ZGPAT: variants seen among roughly 807,000 people sequenced by gnomAD.
The protein encoded by ZGPAT is zinc finger CCCH-type with G patch domain-containing protein.
Under a neutral mutation model 47.9 loss-of-function variants are expected in ZGPAT, and 39 were observed. The observed-to-expected ratio is 0.81, with a 90% CI of 0.63 to 1.06. The LOEUF (loss-of-function observed/expected upper bound fraction) is 1.06. Among genes scored for constraint, ZGPAT ranks in the 50% least tolerant of loss-of-function variants. The pLI is 0.00. For synonymous variants in ZGPAT, 348 were observed against 292.9 expected (o/e 1.19, Z -1.92); for missense variants, 717 against 681.4 (o/e 1.05, Z -0.58).
chr20:63,707,605 G>A (rs535711122), upstream of ZGPAT: 2 of 153,256 alleles, frequency 1.3e-5, no homozygotes, highest in South Asian at 1.9e-4. Context: ...GGACGGCCCT[G>A]GGGGGAGCGG....
chr20:63,713,936 G>T (rs756106994), intron 2 of ZGPAT, among the ~76,000 whole-genome samples: 1 of 151,284 alleles, frequency 6.6e-6, no homozygotes, highest in Non-Finnish European at 1.5e-5. Context: ...TGCTGAATTG[G>T]TTTATTAGTG....
At chr20:63,731,712 T>G (rs1007982486) in intron 2 of ZGPAT, among the ~76,000 whole-genome samples, 4 of 141,544 alleles carry the variant, frequency 2.8e-5, no homozygotes, top group Admixed American at 2.8e-4. Context: ...CCTTTGTGTG[T>G]GTGAGATTGT....
At chr20:63,716,057 T>G (rs2091725296) in intron 2 of ZGPAT, among the ~76,000 whole-genome samples, 1 of 152,240 alleles carries the variant, frequency 6.6e-6, no homozygotes, top group Non-Finnish European at 1.5e-5. Context: ...GTCAGTTTGG[T>G]CTCGCTCTGT....
At chr20:63,708,443 C>G in intron 1 of ZGPAT, 110 bp from the exon 2 acceptor site, 1 of 761,390 alleles carries the variant, frequency 1.3e-6, no homozygotes. Flanking sequence ...AGCTGTGCCT[C>G]TGAGCCGGTG....
chr20:63,733,271 C>T lies in ZGPAT; in HGVS notation c.637C>T (p.Pro213Ser). The T allele has an allele frequency of 6.2e-7, 1 of 1,613,828 alleles. No individual in the cohort carries two copies. ...SLDELRPFQD[P>S]DLSSLQAGSA... Reference sequence around the variant, plus strand: ...GGATGAGCTGCGCCCCTTCCAGGACCCAGACCTGAGCTCCCTGCAGGCCGG... The same window carrying T: ...GGATGAGCTGCGCCCCTTCCAGGACTCAGACCTGAGCTCCCTGCAGGCCGG... The change falls in exon 3 of 7, where the codon CCA (proline) becomes TCA (serine). Residue 213 changes from proline (P) to serine (S), a missense_variant. Physicochemically the swap from Pro to Ser is moderately conservative, Grantham distance 74. Transcript: ENST00000355969.
rs780681193 is a variant in ZGPAT, at chr20:63,735,563, C to T, written c.1396C>T (p.Arg466Trp). 32 of 1,513,578 alleles carry T rather than the reference C, an allele frequency of 2.1e-5. No individual in the cohort carries two copies. The highest frequency in any genetic ancestry group is 1.3e-4 in the South Asian group (10 of 74,996). The allele number at this position is 1,513,578 out of a possible 1,614,324, so 93.8% of individuals were successfully genotyped here. Residue 466 changes from arginine to tryptophan, a missense_variant and splice_region_variant, in exon 6 of 7, where the codon CGG (arginine) becomes TGG (tryptophan). Transcript: ENST00000355969. ...GGAGGCTCTCGCCCGCAACGCTGGC[C>T]GGTACGTGTGGGGCCCAGCTCAGGG... ...IQEALARNAGRHSVASAQLQE... is the reference protein window; with the variant it reads ...IQEALARNAGWHSVASAQLQE...
Position 63,724,453 on chromosome 20 carries a change from A to T in ZGPAT, c.585-8766A>T, listed in dbSNP as rs138392994. ...TCCCAAAGCCTTGGGAGGCCAAGGC[A>T]GGAGGATCACTTGAGGCCAGGAGTT... On this transcript the variant is annotated intron_variant, in intron 2 of 6. Transcript: ENST00000355969. 2.0e-4 allele frequency among the ~76,000 whole-genome samples: 30 copies of T among 151,766 alleles called. No homozygotes were observed. In the East Asian group the frequency reaches 5.8e-3, roughly 29 times the overall value.
intron 2 of ZGPAT, among the ~76,000 whole-genome samples, chr20:63,720,898 T>C (rs1182320499): frequency 6.6e-6 from 1 of 152,214 alleles, no homozygotes; most frequent in Non-Finnish European, 1.5e-5. Context: ...CAGGGTTCAT[T>C]GTTGCTGTTT....
rs755444519 is a variant in ZGPAT, at chr20:63,735,302, C to T, written c.1135C>T (p.Arg379Trp). 1.7e-5 allele frequency: 27 copies of T among 1,599,692 alleles called. No individual in the cohort carries two copies. Among genetic ancestry groups the T allele is most frequent in the African/African-American group, 2.7e-5 (2 of 74,448 alleles). ...KAGTNKPPRC[R>W]GRGARPGGRP... ...TGGCACCAACAAGCCCCCCAGGTGC[C>T]GGGGAAGAGGGGCCAGGCCTGGGGG... The change falls in exon 6 of 7, where the codon CGG (arginine) becomes TGG (tryptophan). Residue 379 changes from arginine (R) to tryptophan (W), a missense_variant. By Grantham distance (101) the Arg-to-Trp change is moderately radical (BLOSUM62 -3). Coordinates refer to ENST00000355969, the MANE Select transcript of ZGPAT (RefSeq NM_181485.3).
At chr20:63,724,407 C>T (rs2091822327) in intron 2 of ZGPAT, among the ~76,000 whole-genome samples, 1 of 148,610 alleles carries the variant, frequency 6.7e-6, no homozygotes, top group Admixed American at 6.7e-5. Context: ...AAGATCTGGA[C>T]ACTGTGGTTC....
rs199674062 is a variant in ZGPAT, at chr20:63,733,344, G to A, written c.710G>A (p.Arg237His). Residue 237 changes from arginine to histidine, a missense_variant, in exon 3 of 7, where the codon CGC becomes CAC. Transcript: ENST00000355969. ...CAGGATGGCCTCTGGCACGCAGCACGCATCACCGGTGAGGCTGGCCGTGGG... is the reference window on the plus strand; with the variant it reads ...CAGGATGGCCTCTGGCACGCAGCACACATCACCGGTGAGGCTGGCCGTGGG... ...KHQDGLWHAARITDVDNGYYT... is the reference protein window; with the variant it reads ...KHQDGLWHAAHITDVDNGYYT... 1.2e-4 allele frequency: 186 copies of A among 1,610,984 alleles called. 2 individuals are homozygous for A. The highest frequency in any genetic ancestry group is 2.5e-4 in the African/African-American group (19 of 74,908).
chr20:63,723,108 A>C lies in ZGPAT; in HGVS notation c.585-10111A>C, dbSNP rs1322364978. ...GCATAGCTCCATCCTCCCTTCTCCT[A>C]TGACACAGCTCCATCCTCCCTTCTC... is the stretch of plus-strand genomic sequence containing the variant. On this transcript the variant is annotated intron_variant, in intron 2 of 6. Transcript: ENST00000355969. Among the ~76,000 whole-genome samples the C allele has an allele frequency of 5.8e-3, 568 of 97,664 alleles. 1 individual carries two copies. Among genetic ancestry groups the C allele is most frequent in the Middle Eastern group, 0.028 (3 of 106 alleles). The allele number at this position is 97,664 out of a possible 152,430, so 64.1% of individuals were successfully genotyped here. A position where few individuals can be genotyped will look rare whatever the true frequency, so the allele number is the denominator to read the frequency against.
At position 63,708,571 on chromosome 20, in the gene ZGPAT, C is replaced by G; in HGVS notation, c.-10C>G. On this transcript the variant is annotated 5_prime_UTR_variant, in exon 2 of 7. Coordinates refer to ENST00000355969, the MANE Select transcript of ZGPAT (RefSeq NM_181485.3). ...CTTGCAGCCCTGGTCCAGCGCCTCC[C>G]TCTCTCAGCATGGACGAGGAGAGCC... 1 of 1,577,052 alleles carries G rather than the reference C, an allele frequency of 6.3e-7. No individual in the cohort carries two copies. Among genetic ancestry groups the G allele is most frequent in the African/African-American group, 1.4e-5 (1 of 74,042 alleles).
intron 2 of ZGPAT, among the ~76,000 whole-genome samples, chr20:63,725,130 G>A (rs568395229): frequency 1.6e-4 from 25 of 151,786 alleles, no homozygotes; most frequent in Middle Eastern, 3.4e-3. Context: ...GATTACAGGC[G>A]CCTGCCACCA....
Position 63,711,769 on chromosome 20 carries a change from G to C in ZGPAT, c.584+2605G>C, listed in dbSNP as rs144296385. ...TGCCCAGCTAATTTTTATATTTTTA[G>C]TAGAGGCAGGGTTTCACCATGTTGG... On this transcript the variant is annotated intron_variant, in intron 2 of 6. Transcript: ENST00000355969. Among the ~76,000 whole-genome samples, 23 of 152,170 alleles carry C rather than the reference G, an allele frequency of 1.5e-4. No homozygotes were observed. The East Asian group carries it at 4.2e-3, about 28-fold the overall frequency.
chr20:63,710,293 C>T (rs1042841618), intron 2 of ZGPAT, among the ~76,000 whole-genome samples: 12 of 152,024 alleles, frequency 7.9e-5, no homozygotes, highest in Admixed American at 2.6e-4. Flanking sequence ...GCTGGCATTA[C>T]AGGCGCCCGC....
chr20:63,717,987 G>A (rs1359980666), intron 2 of ZGPAT, among the ~76,000 whole-genome samples: 3 of 152,096 alleles, frequency 2.0e-5, no homozygotes, highest in Non-Finnish European at 4.4e-5. Context: ...AGGTTGCAGT[G>A]AGCCAGGATC....
chr20:63,734,774 G>A lies in ZGPAT; in HGVS notation c.941G>A (p.Arg314Gln), dbSNP rs1298051577. ...SAFAGWEVHTRGIGSRLLTKM... is the reference protein window; with the variant it reads ...SAFAGWEVHTQGIGSRLLTKM... Reference sequence around the variant, plus strand: ...TTTGCTGGCTGGGAGGTGCACACGCGAGGTATAGGCTCCAGACTCCTCACC... The same window carrying A: ...TTTGCTGGCTGGGAGGTGCACACGCAAGGTATAGGCTCCAGACTCCTCACC... Residue 314 changes from arginine (R) to glutamine (Q), a missense_variant, in exon 5 of 7, where the codon CGA becomes CAA. By Grantham distance (43) the Arg-to-Gln change is conservative (BLOSUM62 1). Coordinates refer to ENST00000355969, the MANE Select transcript of ZGPAT (RefSeq NM_181485.3). 7 of 1,613,162 alleles carry A rather than the reference G, an allele frequency of 4.3e-6. No individual in the cohort carries two copies. Among genetic ancestry groups the A allele is most frequent in the Non-Finnish European group, 5.9e-6 (7 of 1,179,506 alleles).
At chr20:63,733,436 T>C (rs1444988170) in intron 3 of ZGPAT, 84 bp downstream of exon 3, 28 of 1,596,992 alleles carry the variant, frequency 1.8e-5, no homozygotes, top group Non-Finnish European at 2.2e-5. Context: ...CCTGCTTCCT[T>C]TGGGTTGAGT....
Sources: gnomAD v4.1 joint callset for allele counts (sites outside exome capture counted in the v4.1 genomes callset) on GRCh38, gnomAD v4.1.1 for gene constraint, MANE v1.5 for transcripts, NCBI Gene and HGNC (gene_info 2026-07-23, HGNC 2026-07-21) for gene names.